Variants in PPARGC1B observed in about 807,000 individuals in gnomAD.
PPARGC1B encodes PPARG coactivator 1 beta, also known as peroxisome proliferator-activated receptor gamma coactivator 1-beta.
In PPARGC1B, 34 loss-of-function variants were observed where a neutral mutation model predicts 101.6. The ratio of observed to expected loss-of-function variants is 0.33; its 90% CI spans 0.25 to 0.45. The LOEUF (loss-of-function observed/expected upper bound fraction) is 0.45. Ranked by LOEUF, PPARGC1B falls within the 20% of genes least tolerant of loss-of-function variation. PPARGC1B has a pLI of 1.00. For missense variants in PPARGC1B, 1,234 were observed against 1,317.6 expected, an observed-to-expected ratio of 0.94 and a Z score of 0.98; for synonymous variants, 548 against 539.3, an observed-to-expected ratio of 1.02 and a Z score of -0.22.
At chr5:149,797,947 A>AT (rs1327181331) in intron 1 of PPARGC1B, among the ~76,000 whole-genome samples, 4 of 152,206 alleles carry the variant, frequency 2.6e-5, no homozygotes, top group East Asian at 3.9e-4. Context: ...CAATTCATTT[A>AT]TTTTTTTATT....
At chr5:149,778,619 A>G (rs552872384) in intron 1 of PPARGC1B, among the ~76,000 whole-genome samples, 240 of 152,264 alleles carry the variant, frequency 1.6e-3, no homozygotes, top group African/African-American at 5.4e-3. Flanking sequence ...CTGCAGTCTC[A>G]GCTCCCACCA....
At chr5:149,746,268 G>A (rs1215706829) in intron 1 of PPARGC1B, among the ~76,000 whole-genome samples, 1 of 152,204 alleles carries the variant, frequency 6.6e-6, no homozygotes, top group Non-Finnish European at 1.5e-5. Flanking sequence ...CCTGTCAGGT[G>A]TCATCTCCTC....
intron 8 of PPARGC1B, among the ~76,000 whole-genome samples, chr5:149,839,387 G>A (rs1237559967): frequency 1.3e-5 from 2 of 152,202 alleles, no homozygotes; most frequent in African/African-American, 4.8e-5. Context: ...ATTTGTCAGT[G>A]ACTCAGACTG....
intron 1 of PPARGC1B, among the ~76,000 whole-genome samples, chr5:149,788,050 G>A (rs530313648): frequency 6.2e-4 from 95 of 152,280 alleles, no homozygotes; most frequent in Non-Finnish European, 1.1e-3. Flanking sequence ...AAAAGCAATG[G>A]CAACAAAAGC....
In PPARGC1B at chr5:149,833,497, C is replaced by A. The variant is rs140114166; in HGVS notation, c.1424C>A (p.Pro475His). The stretch of plus-strand genomic sequence containing the variant: ...AGGAAGCTGGAGAGCTCTGTGTGCC[C>A]CGTGCGGCGTTCTCGGAGACTGAAC... ...LGRKLESSVCPVRRSRRLNPE... is the reference protein window; with the variant it reads ...LGRKLESSVCHVRRSRRLNPE... The change falls in exon 5 of 12, where the codon CCC becomes CAC. Residue 475 changes from proline (P) to histidine (H), a missense_variant. By Grantham distance (77) the Pro-to-His change is moderately conservative. Transcript: ENST00000309241. The surrounding 1 kb of genome is among the most constrained non-coding windows in gnomAD (Gnocchi z 4.1). The A allele has an allele frequency of 3.0e-3, 4,730 of 1,564,840 alleles. 12 individuals carry two copies. Among genetic ancestry groups the A allele is most frequent in the Non-Finnish European group, 3.9e-3 (4,521 of 1,154,502 alleles).
intron 2 of PPARGC1B, among the ~76,000 whole-genome samples, chr5:149,824,136 C>T (rs1377999592): frequency 5.3e-5 from 8 of 152,216 alleles, no homozygotes; most frequent in East Asian, 1.9e-4. Context: ...GGAGCAGTAG[C>T]GTGTGCGCCA....
At chr5:149,857,370 G>A (rs1177386361), downstream of PPARGC1B, among the ~76,000 whole-genome samples, 2 of 152,164 alleles carry the variant, frequency 1.3e-5, no homozygotes, top group African/African-American at 4.8e-5. Context: ...GATTGGGAAG[G>A]CTGGGAAGTG....
At chr5:149,746,747 T>G (rs1755107372) in intron 1 of PPARGC1B, among the ~76,000 whole-genome samples, 3 of 152,174 alleles carry the variant, frequency 2.0e-5, no homozygotes, top group Admixed American at 2.0e-4. Context: ...TTTCTCCATA[T>G]CCTCTCTAAC....
intron 1 of PPARGC1B, among the ~76,000 whole-genome samples, chr5:149,766,811 C>G (rs1755926380): frequency 6.6e-6 from 1 of 152,234 alleles, no homozygotes. Flanking sequence ...TGTCCCCCCA[C>G]AAAGGCAGTT....
chr5:149,774,277 G>A (rs1020762632), intron 1 of PPARGC1B, among the ~76,000 whole-genome samples: 1 of 152,140 alleles, frequency 6.6e-6, no homozygotes, highest in African/African-American at 2.4e-5. Flanking sequence ...AATGGGTGTC[G>A]GGGCCTGAGT....
intron 1 of PPARGC1B, among the ~76,000 whole-genome samples, chr5:149,734,936 G>A (rs575114507): frequency 1.3e-5 from 2 of 152,220 alleles, no homozygotes; most frequent in South Asian, 2.1e-4. Flanking sequence ...TTGTCTCCTC[G>A]TTGTTCTAAA....
At chr5:149,785,159 T>C (rs909849718) in intron 1 of PPARGC1B, among the ~76,000 whole-genome samples, 1 of 152,178 alleles carries the variant, frequency 6.6e-6, no homozygotes, top group Admixed American at 6.5e-5. Flanking sequence ...CAGGCAGGCC[T>C]CTTCCCATGT....
At chr5:149,767,462 G>A (rs1392556783) in intron 1 of PPARGC1B, among the ~76,000 whole-genome samples, 1 of 152,206 alleles carries the variant, frequency 6.6e-6, no homozygotes. Context: ...AAGGCTGTGT[G>A]GAGAGATGGC....
chr5:149,845,996 A>G (rs1759540399), intron 11 of PPARGC1B, 82 bp downstream of exon 11: 1 of 1,562,996 alleles, frequency 6.4e-7, no homozygotes, highest in Non-Finnish European at 8.8e-7. Context: ...ACCCAGAGCT[A>G]AAGCGCCTTG....
At chr5:149,844,669 A>G (rs1393642506) in intron 10 of PPARGC1B, among the ~76,000 whole-genome samples, 1 of 152,210 alleles carries the variant, frequency 6.6e-6, no homozygotes, top group Non-Finnish European at 1.5e-5. Flanking sequence ...AAAGAGGCAG[A>G]AGGGTTCAAA....
downstream of PPARGC1B, chr5:149,855,099 G>A (rs774062769): frequency 6.6e-6 from 1 of 152,186 alleles, no homozygotes; most frequent in Non-Finnish European, 1.5e-5. Context: ...ATGGGGAAGA[G>A]ATTTCAGTTT....
chr5:149,809,175 CATAGATAGATAG>C (rs1170949360), intron 1 of PPARGC1B, among the ~76,000 whole-genome samples: 21 of 42,942 alleles, frequency 4.9e-4, no homozygotes, highest in African/African-American at 1.2e-3. Context: ...CCATCTCTAC[CATAGATAGATAG>C]ATAGATAGAT....
At position 149,826,693 on chromosome 5, in the gene PPARGC1B, C is replaced by T; in HGVS notation, c.273C>T (p.Ala91=). 1.2e-6 allele frequency: 2 copies of T among 1,614,038 alleles called. No homozygotes were observed. The highest frequency in any genetic ancestry group is 2.7e-5 in the African/African-American group (2 of 75,018). Reference sequence around the variant, plus strand: ...TCCAGATTGACAGTGAGAATGAGGCCCTCCTGGCAGAGCTCACCAAGACCC... The same window carrying T: ...TCCAGATTGACAGTGAGAATGAGGCTCTCCTGGCAGAGCTCACCAAGACCC... The part of the protein sequence containing the change: ...ELFQIDSENE[A]LLAELTKTLD... Residue 91 remains alanine, a synonymous_variant, in exon 3 of 12, where the codon GCC becomes GCT. Coordinates refer to ENST00000309241, the MANE Select transcript of PPARGC1B (RefSeq NM_133263.4).
intron 1 of PPARGC1B, among the ~76,000 whole-genome samples, chr5:149,750,412 AAAAC>A (rs1197331133): frequency 6.8e-6 from 1 of 148,130 alleles, no homozygotes; most frequent in South Asian, 2.1e-4. Context: ...TAAAATCTAT[AAAAC>A]AAACTTTCTT....
Sources: allele counts gnomAD v4.1 joint callset (sites outside exome capture counted in the v4.1 genomes callset), GRCh38; gene constraint gnomAD v4.1.1; non-coding constraint Gnocchi (gnomAD v3.1); transcripts MANE v1.5; gene names NCBI Gene and HGNC (gene_info 2026-07-23, HGNC 2026-07-21).